The following FILIP1 variants were observed in gnomAD, a reference collection of about 807,000 sequenced individuals.
FILIP1 encodes filamin A interacting protein 1.
In FILIP1, 61 loss-of-function variants were observed where a neutral mutation model predicts 102.1. The ratio of observed to expected loss-of-function variants is 0.60; its 90% confidence interval spans 0.49 to 0.74. The LOEUF (loss-of-function observed/expected upper bound fraction) is 0.74. Ranked by LOEUF, FILIP1 falls within the 30% of genes least tolerant of loss-of-function variation. The pLI is 0.00. For synonymous variants in FILIP1, 491 were observed against 526.9 expected (o/e 0.93, Z 0.93); for missense variants, 1,314 against 1,441.2 (o/e 0.91, Z 1.43).
At chr6:75,322,788 G>A (rs1312558737) in intron 4 of FILIP1, among the ~76,000 whole-genome samples, 1 of 152,022 alleles carries the variant, frequency 6.6e-6, no homozygotes, top group Non-Finnish European at 1.5e-5. Flanking sequence ...CAGCCTCCCG[G>A]GTTAAAATGA....
rs371752336 is a variant in FILIP1, at chr6:75,400,997, A to T, written c.276+13700T>A. ...AGAAGTTTGTACTTAACATCTATAA[A>T]GCGTTTAAGTGTCCTTTTTAAAAAA... On this transcript the variant is annotated intron_variant, in intron 2 of 5. Coordinates refer to ENST00000237172, the MANE Select transcript of FILIP1 (RefSeq NM_015687.5). Among the ~76,000 whole-genome samples the T allele has an allele frequency of 3.3e-5, 5 of 151,156 alleles. No individual in the cohort carries two copies. In the South Asian group the frequency reaches 6.4e-4, roughly 19 times the overall value.
chr6:75,324,792 C>G (rs1198061012), intron 4 of FILIP1, among the ~76,000 whole-genome samples: 1 of 152,188 alleles, frequency 6.6e-6, no homozygotes, highest in Non-Finnish European at 1.5e-5. Context: ...CAAGTACTTA[C>G]AGCCAACTGA....
chr6:75,313,509 C>T lies in FILIP1; in HGVS notation c.2323G>A (p.Glu775Lys). ...MGQEVLNLTKELELSKRYSRA... is the reference protein window; with the variant it reads ...MGQEVLNLTKKLELSKRYSRA... ...CTGTAGCGCTTGGAAAGCTCCAACT[C>T]TTTGGTCAGATTGAGAACCTCCTGC... is the stretch of plus-strand genomic sequence containing the variant. The change falls in exon 5 of 6, where the codon GAG becomes AAG. Residue 775 changes from glutamate (E) to lysine (K), a missense_variant. Transcript: ENST00000237172. The surrounding 1 kb of genome is among the most constrained non-coding windows in gnomAD (Gnocchi z 4.2). The T allele has an allele frequency of 6.2e-7, 1 of 1,614,214 alleles. No homozygotes were observed. The highest frequency in any genetic ancestry group is 8.5e-7 in the Non-Finnish European group (1 of 1,180,052).
At chr6:75,342,684 G>C (rs1358849687) in intron 4 of FILIP1, among the ~76,000 whole-genome samples, 1 of 152,110 alleles carries the variant, frequency 6.6e-6, no homozygotes, top group Non-Finnish European at 1.5e-5. Flanking sequence ...TTCCACACAG[G>C]CATCCTCTGA....
At chr6:75,399,987 A>T (rs1776597376) in intron 2 of FILIP1, among the ~76,000 whole-genome samples, 1 of 152,148 alleles carries the variant, frequency 6.6e-6, no homozygotes. Context: ...CCCAGCAATC[A>T]GGACATTAAG....
At chr6:75,464,386 C>CAAA (rs1396291420) in intron 1 of FILIP1, among the ~76,000 whole-genome samples, 1 of 152,120 alleles carries the variant, frequency 6.6e-6, no homozygotes, top group East Asian at 1.9e-4. Flanking sequence ...TTGATATTAA[C>CAAA]AAAAATGCTC....
At chr6:75,303,389 A>G (rs1772896790), downstream of FILIP1, among the ~76,000 whole-genome samples, 1 of 152,218 alleles carries the variant, frequency 6.6e-6, no homozygotes, top group African/African-American at 2.4e-5. Flanking sequence ...GGAAACATCA[A>G]TCCTTATTGT....
intron 2 of FILIP1, among the ~76,000 whole-genome samples, chr6:75,396,969 A>C (rs1365092294): frequency 7.0e-6 from 1 of 143,748 alleles, no homozygotes; most frequent in Non-Finnish European, 1.5e-5. Context: ...GAGCAACGAA[A>C]ACACATGGAC....
intron 1 of FILIP1, among the ~76,000 whole-genome samples, chr6:75,456,565 CTT>C (rs145044469): frequency 5.6e-5 from 8 of 141,618 alleles, no homozygotes; most frequent in African/African-American, 7.8e-5. Flanking sequence ...TTTTTCTTTT[CTT>C]TTTTTTTTTT....
chr6:75,414,669 A>C, intron 2 of FILIP1, 28 bp downstream of exon 2: 1 of 1,600,132 alleles, frequency 6.2e-7, no homozygotes. Context: ...CCAAAGACAC[A>C]ATAACAGTTG....
Position 75,312,865 on chromosome 6 carries a change from C to A in FILIP1, c.2967G>T (p.Glu989Asp). Residue 989 changes from glutamate (E) to aspartate (D), a missense_variant, in exon 5 of 6, where the codon GAG becomes GAT. Physicochemically the swap from Glu to Asp is conservative, Grantham distance 45 (BLOSUM62 2). This residue lies in a region of FILIP1 where 816 missense variants were observed against 913.1 expected (regional missense o/e 0.89). Transcript: ENST00000237172. ...SPVTITTFSR[E>D]KTPESGRGAF... ...CGCCTCTTCCACTTTCTGGAGTCTTCTCTCTGGAAAATGTAGTAATTGTGA... is the reference window on the plus strand; with the variant it reads ...CGCCTCTTCCACTTTCTGGAGTCTTATCTCTGGAAAATGTAGTAATTGTGA... The A allele has an allele frequency of 6.2e-7, 1 of 1,614,156 alleles. No homozygotes were observed. Among genetic ancestry groups the A allele is most frequent in the Non-Finnish European group, 8.5e-7 (1 of 1,180,042 alleles).
At chr6:75,490,388 C>T (rs934447212) in intron 1 of FILIP1, among the ~76,000 whole-genome samples, 10 of 152,074 alleles carry the variant, frequency 6.6e-5, no homozygotes, top group African/African-American at 2.4e-4. Flanking sequence ...AATAAGGCTA[C>T]AGTTTTCACG....
At chr6:75,390,767 A>T (rs1348292779) in intron 2 of FILIP1, among the ~76,000 whole-genome samples, 1 of 152,166 alleles carries the variant, frequency 6.6e-6, no homozygotes, top group Non-Finnish European at 1.5e-5. Context: ...CCATATCAAT[A>T]GTCATGGGCC....
At chr6:75,311,582 C>T (rs534651396) in intron 5 of FILIP1, among the ~76,000 whole-genome samples, 68 of 152,272 alleles carry the variant, frequency 4.5e-4, no homozygotes, top group African/African-American at 1.5e-3. Flanking sequence ...CCACAACCTC[C>T]GCCTCCTGGG....
At chr6:75,316,434 G>C (rs1401018272) in intron 4 of FILIP1, among the ~76,000 whole-genome samples, 3 of 151,146 alleles carry the variant, frequency 2.0e-5, no homozygotes, top group Non-Finnish European at 4.4e-5. Context: ...TAGATTAGCT[G>C]TTAGCCAAGT....
At chr6:75,490,197 A>G (rs1779916273) in intron 1 of FILIP1, among the ~76,000 whole-genome samples, 1 of 152,168 alleles carries the variant, frequency 6.6e-6, no homozygotes, top group South Asian at 2.1e-4. Flanking sequence ...CTTAATGAAC[A>G]TATTAAATAT....
chr6:75,302,125 C>T (rs1200651186), intron 6 of FILIP1, among the ~76,000 whole-genome samples: 2 of 152,134 alleles, frequency 1.3e-5, no homozygotes, highest in African/African-American at 4.8e-5. Flanking sequence ...CTCTCAGGCC[C>T]CTTTCTTCAC....
intron 4 of FILIP1, among the ~76,000 whole-genome samples, chr6:75,341,002 C>T (rs1199783889): frequency 6.6e-6 from 1 of 151,718 alleles, no homozygotes; most frequent in Non-Finnish European, 1.5e-5. Context: ...CCGTGCCTGC[C>T]CGTCCGCTTG....
chr6:75,434,431 AT>A (rs965002748), intron 1 of FILIP1, among the ~76,000 whole-genome samples: 6 of 151,972 alleles, frequency 3.9e-5, no homozygotes, highest in Non-Finnish European at 8.8e-5. Flanking sequence ...CTTCCTAGGT[AT>A]TTTATTCTCT....
Sources: allele counts gnomAD v4.1 joint callset (sites outside exome capture counted in the v4.1 genomes callset), GRCh38; gene constraint gnomAD v4.1.1; regional missense constraint gnomAD v4.1.1; non-coding constraint Gnocchi (gnomAD v3.1); transcripts MANE v1.5; gene names NCBI Gene and HGNC (gene_info 2026-07-23, HGNC 2026-07-21).